ERICH3: variants seen among roughly 807,000 people sequenced by gnomAD.
ERICH3 encodes the protein glutamate rich 3, also known as glutamate-rich protein 3.
ERICH3 carries 126 observed loss-of-function variants against 131.1 expected under a neutral mutation model. The ratio of observed to expected loss-of-function variants is 0.96; its 90% CI spans 0.83 to 1.11. The LOEUF is 1.11. Among genes scored for constraint, ERICH3 ranks in the 50% most tolerant of loss-of-function variants. The pLI, the probability that ERICH3 is intolerant of heterozygous loss-of-function variation, is 0.00. For missense variants in ERICH3, 2,050 were observed against 1,810.7 expected (o/e 1.13, Z -2.40); for synonymous variants, 695 against 644.6 (o/e 1.08, Z -1.18).
intron 8 of ERICH3, among the ~76,000 whole-genome samples, chr1:74,613,807 CAG>C (rs1648817555): frequency 6.6e-6 from 1 of 152,284 alleles, no homozygotes; most frequent in Non-Finnish European, 1.5e-5. Context: ...TTATTCTCTG[CAG>C]AGTGACTCAA....
At chr1:74,573,547 G>A in intron 13 of ERICH3, 56 bp from the exon 14 acceptor site, 1 of 1,456,934 alleles carries the variant, frequency 6.9e-7, no homozygotes, top group East Asian at 2.4e-5. Context: ...ACAAGGGAGG[G>A]GACACTATAA....
intron 3 of ERICH3, among the ~76,000 whole-genome samples, chr1:74,643,889 A>C (rs1646458088): frequency 6.6e-6 from 1 of 152,128 alleles, no homozygotes; most frequent in African/African-American, 2.4e-5. Flanking sequence ...GAGTTTACTA[A>C]GGTAAAAATA....
intron 1 of ERICH3, among the ~76,000 whole-genome samples, chr1:74,650,855 T>A (rs1251290712): frequency 6.6e-6 from 1 of 151,658 alleles, no homozygotes; most frequent in Non-Finnish European, 1.5e-5. Context: ...TGTGTGTGTG[T>A]GTGTGTGTGT....
chr1:74,634,272 A>G (rs1646367832), intron 6 of ERICH3, among the ~76,000 whole-genome samples: 2 of 152,132 alleles, frequency 1.3e-5, no homozygotes, highest in African/African-American at 2.4e-5. Context: ...CCAATAAGTT[A>G]CTTTTGTCTG....
At chr1:74,631,618 A>C in intron 7 of ERICH3, 95 bp downstream of exon 7, 1 of 1,048,928 alleles carries the variant, frequency 9.5e-7, no homozygotes, top group East Asian at 2.5e-5. Context: ...TTTGCATGCA[A>C]TTTCCTCCAA....
At chr1:74,628,402 T>C (rs537084834) in intron 7 of ERICH3, among the ~76,000 whole-genome samples, 1 of 152,238 alleles carries the variant, frequency 6.6e-6, no homozygotes, top group African/African-American at 2.4e-5. Context: ...AAGACATAAC[T>C]TATGGTATTG....
rs1394540450 is a variant in ERICH3, at chr1:74,631,708, A to G, written c.819+5T>C. ...TAATAAAAGAAAAATTTGTTCCATA[A>G]TCACCTTTGTCAAAAGAGGTTCTAA... On this transcript the variant is annotated splice_donor_5th_base_variant and intron_variant, in intron 7 of 14. Transcript: ENST00000326665. The G allele has an allele frequency of 1.9e-6, 3 of 1,603,662 alleles. No homozygotes were observed. Among genetic ancestry groups the G allele is most frequent in the Non-Finnish European group, 2.6e-6 (3 of 1,170,884 alleles).
intron 11 of ERICH3, among the ~76,000 whole-genome samples, chr1:74,597,690 A>T (rs1647919201): frequency 6.6e-6 from 1 of 152,024 alleles, no homozygotes. Flanking sequence ...CTTAATATTT[A>T]AAAAATATCT....
chr1:74,669,751 C>T (rs939364351), intron 1 of ERICH3, among the ~76,000 whole-genome samples: 2 of 152,314 alleles, frequency 1.3e-5, no homozygotes, highest in African/African-American at 4.8e-5. Context: ...AAAGCCGGCA[C>T]AGGCCCTTTG....
At chr1:74,650,440 A>G (rs1646522694) in intron 1 of ERICH3, among the ~76,000 whole-genome samples, 1 of 152,136 alleles carries the variant, frequency 6.6e-6, no homozygotes, top group Non-Finnish European at 1.5e-5. Context: ...GCATGCACAT[A>G]TACATTCATA....
chr1:74,612,760 G>A lies in ERICH3; in HGVS notation c.1050C>T (p.Leu350=), dbSNP rs1648761672. The change falls in exon 9 of 15, where the codon CTC becomes CTT. Residue 350 remains leucine, a synonymous_variant. Transcript: ENST00000326665. ...SKRHHGFPFS[L]TFFLNGMQVN... ...CCTGCATCCCATTCAGGAAAAAGGTGAGACTGAAGGGGAAACCATGATGCC... is the reference window on the plus strand; with the variant it reads ...CCTGCATCCCATTCAGGAAAAAGGTAAGACTGAAGGGGAAACCATGATGCC... 1 of 1,598,360 alleles carries A rather than the reference G, an allele frequency of 6.3e-7. No individual in the cohort carries two copies. The highest frequency in any genetic ancestry group is 1.3e-5 in the African/African-American group (1 of 74,772).
chr1:74,642,268 A>T (rs1409924760), intron 4 of ERICH3, among the ~76,000 whole-genome samples: 2 of 152,242 alleles, frequency 1.3e-5, no homozygotes, highest in African/African-American at 2.4e-5. Flanking sequence ...AGGGTGAAAA[A>T]TTACTGTCTT....
intron 1 of ERICH3, among the ~76,000 whole-genome samples, chr1:74,654,897 A>C (rs1435951385): frequency 6.6e-6 from 1 of 152,156 alleles, no homozygotes; most frequent in Non-Finnish European, 1.5e-5. Context: ...AGGTCTTGCT[A>C]ATGTGAGGGA....
At chr1:74,612,899 A>G (rs2100597834) in intron 8 of ERICH3, 90 bp from the exon 9 acceptor site, 1 of 1,139,818 alleles carries the variant, frequency 8.8e-7, no homozygotes, top group Non-Finnish European at 1.2e-6. Flanking sequence ...TAAACACAAT[A>G]TTATGATCTA....
intron 3 of ERICH3, among the ~76,000 whole-genome samples, chr1:74,644,305 T>C (rs1285729610): frequency 6.6e-6 from 1 of 152,084 alleles, no homozygotes; most frequent in African/African-American, 2.4e-5. Flanking sequence ...CTTCCATTTA[T>C]TCCCAACTCA....
intron 1 of ERICH3, among the ~76,000 whole-genome samples, chr1:74,662,063 C>T (rs1235578918): frequency 6.6e-6 from 1 of 152,156 alleles, no homozygotes; most frequent in Non-Finnish European, 1.5e-5. Flanking sequence ...ACTACAGTTT[C>T]TGAATATCTC....
intron 6 of ERICH3, among the ~76,000 whole-genome samples, chr1:74,635,155 C>T (rs1470964257): frequency 6.6e-6 from 1 of 152,076 alleles, no homozygotes; most frequent in Non-Finnish European, 1.5e-5. Context: ...CTGGCTAAAA[C>T]AGGAAATCTC....
At chr1:74,610,558 CTAAAG>C (rs982261312) in intron 9 of ERICH3, among the ~76,000 whole-genome samples, 29 of 151,330 alleles carry the variant, frequency 1.9e-4, no homozygotes, top group African/African-American at 9.7e-5. Flanking sequence ...TTCTTATTCT[CTAAAG>C]TATTCAATCG....
intron 13 of ERICH3, among the ~76,000 whole-genome samples, chr1:74,576,567 C>A (rs1570801962): frequency 6.6e-6 from 1 of 152,248 alleles, no homozygotes. Flanking sequence ...TTCTCTGACT[C>A]AGGTGTCTTA....
Sources: gnomAD v4.1 joint callset for allele counts (sites outside exome capture counted in the v4.1 genomes callset) on GRCh38, gnomAD v4.1.1 for gene constraint, MANE v1.5 for transcripts, NCBI Gene and HGNC (gene_info 2026-07-23, HGNC 2026-07-21) for gene names.